The following SLC22A5 variants were observed in gnomAD, a reference collection of about 807,000 sequenced individuals.
The protein encoded by SLC22A5 is organic cation/carnitine transporter 2.
In SLC22A5, 44 loss-of-function variants were observed where a neutral mutation model predicts 56.7. The observed-to-expected ratio is 0.78, with a 90% CI of 0.61 to 1.00. SLC22A5 has a LOEUF of 1.00. Among genes scored for constraint, SLC22A5 ranks in the 50% least tolerant of loss-of-function variants. The pLI, the probability that SLC22A5 is intolerant of heterozygous loss-of-function variation, is 0.00. For synonymous variants in SLC22A5, 278 were observed against 292.1 expected, an observed-to-expected ratio of 0.95 and a Z score of 0.49; for missense variants, 675 against 723.0, an observed-to-expected ratio of 0.93 and a Z score of 0.76.
chr5:132,382,006 A>G (rs1037997218), intron 2 of SLC22A5: 1 of 152,182 alleles, frequency 6.6e-6, no homozygotes, highest in African/African-American at 2.4e-5. Flanking sequence ...AGGGGAAAGT[A>G]GAGTCTACTA....
At chr5:132,385,567 C>T in intron 4 of SLC22A5, 68 bp downstream of exon 4, 1 of 1,264,802 alleles carries the variant, frequency 7.9e-7, no homozygotes. Context: ...CACTAGAGGG[C>T]AGCAACAACC....
At chr5:132,390,539 A>G in intron 6 of SLC22A5, 151 bp from the exon 7 acceptor site, 1 of 720,804 alleles carries the variant, frequency 1.4e-6, no homozygotes, top group Non-Finnish European at 2.5e-6. Context: ...TGATCTATGA[A>G]GTAAGACGCA....
At position 132,394,223 on chromosome 5, in the gene SLC22A5, TA is replaced by T; in HGVS notation, c.1629del (p.Asp544MetfsTer57). 6.2e-7 allele frequency: 1 copy of T among 1,613,858 alleles called. No homozygotes were observed. Among genetic ancestry groups the T allele is most frequent in the Non-Finnish European group, 8.5e-7 (1 of 1,179,692 alleles). Reference sequence around the variant, plus strand: ...AAAACTCCAAGTCACACAAGGATGTTAAAAGATGGTCAAGAAAGGCCCACAA... The same window carrying T: ...AAAACTCCAAGTCACACAAGGATGTTAAAGATGGTCAAGAAAGGCCCACAA... The part of the protein sequence containing the change: ...HRKTPSHTRM[L>X]KDGQERPTIL... On this transcript the variant is annotated frameshift_variant, in exon 10 of 10. Transcript: ENST00000245407. LOFTEE classifies it high-confidence loss of function.
intron 1 of SLC22A5, among the ~76,000 whole-genome samples, chr5:132,372,769 G>A (rs564154629): frequency 3.9e-5 from 6 of 152,268 alleles, no homozygotes; most frequent in African/African-American, 1.4e-4. Flanking sequence ...AGCTACTGCT[G>A]GAAGTTGCTG....
At chr5:132,371,650 G>A (rs964044708) in intron 1 of SLC22A5, among the ~76,000 whole-genome samples, 5 of 152,224 alleles carry the variant, frequency 3.3e-5, no homozygotes, top group African/African-American at 7.2e-5. Flanking sequence ...TGACCAATTC[G>A]CAGGTTAGAG....
chr5:132,388,584 G>A (rs977059397), intron 5 of SLC22A5, among the ~76,000 whole-genome samples: 1 of 152,158 alleles, frequency 6.6e-6, no homozygotes, highest in Admixed American at 6.5e-5. Context: ...GGCTTCGGGA[G>A]GAATACTTAG....
chr5:132,385,572 A>G, intron 4 of SLC22A5, 73 bp downstream of exon 4: 1 of 1,221,564 alleles, frequency 8.2e-7, no homozygotes, highest in Non-Finnish European at 1.2e-6. Context: ...GAGGGCAGCA[A>G]CAACCCATGA....
rs1259331982 is a variant in SLC22A5 at position 132,369,736 on chromosome 5, C to G, written c.-237C>G. The G allele has an allele frequency of 8.4e-6, 4 of 475,804 alleles. No homozygotes were observed. In the Admixed American group the frequency reaches 1.3e-4, roughly 16 times the overall value. The allele number at this position is 475,804 out of a possible 1,614,324, so 29.5% of individuals were successfully genotyped here. A position where few individuals can be genotyped will look rare whatever the true frequency, so the allele number is the denominator to read the frequency against. On this transcript the variant is annotated 5_prime_UTR_variant, in exon 1 of 10. Transcript: ENST00000245407. The stretch of plus-strand genomic sequence containing the variant: ...CCTTCGCCGGCGCCGCTCTGCCTGC[C>G]AGCGGGGCGCGCCTTGCGGCCCAGG...
intron 2 of SLC22A5, chr5:132,383,657 C>A (rs1752424173): frequency 1.0e-5 from 2 of 195,016 alleles, no homozygotes; most frequent in South Asian, 1.9e-4. Flanking sequence ...AATTTTATTA[C>A]CTTTTCATTT....
At chr5:132,375,528 A>G (rs1240756136) in intron 1 of SLC22A5, among the ~76,000 whole-genome samples, 1 of 152,236 alleles carries the variant, frequency 6.6e-6, no homozygotes, top group Non-Finnish European at 1.5e-5. Context: ...ATTTAGTCCC[A>G]GGGAACTATG....
chr5:132,370,728 G>A (rs1018905296), intron 1 of SLC22A5, among the ~76,000 whole-genome samples: 1 of 152,182 alleles, frequency 6.6e-6, no homozygotes, highest in African/African-American at 2.4e-5. Context: ...CAGGACTTGG[G>A]CCAGGGGCTA....
Position 132,394,493 on chromosome 5 carries a change from T to G in SLC22A5, c.*221T>G. The G allele has an allele frequency of 1.7e-6, 1 of 594,820 alleles. No homozygotes were observed. The highest frequency in any genetic ancestry group is 2.8e-5 in the East Asian group (1 of 35,638). The allele number at this position is 594,820 out of a possible 1,614,324, so 36.8% of individuals were successfully genotyped here. A position where few individuals can be genotyped will look rare whatever the true frequency, so the allele number is the denominator to read the frequency against. On this transcript the variant is annotated 3_prime_UTR_variant, in exon 10 of 10. Coordinates refer to ENST00000245407, the MANE Select transcript of SLC22A5 (RefSeq NM_003060.4). ...ACACTGGGGCTACCTACAGACAACT[T>G]CATCTAAGTCCTAACTATTACAATG... is the stretch of plus-strand genomic sequence containing the variant.
In SLC22A5 at chr5:132,394,232, G is replaced by T. The variant is rs1752804215; in HGVS notation, c.1634G>T (p.Gly545Val). The change falls in exon 10 of 10, where the codon GGT becomes GTT. Residue 545 changes from glycine (G) to valine (V), a missense_variant. Transcript: ENST00000245407. Reference sequence around the variant, plus strand: ...AGTCACACAAGGATGTTAAAAGATGGTCAAGAAAGGCCCACAATCCTTAAA... The same window carrying T: ...AGTCACACAAGGATGTTAAAAGATGTTCAAGAAAGGCCCACAATCCTTAAA... Reference protein sequence around the residue: ...TPSHTRMLKDGQERPTILKST... With the variant: ...TPSHTRMLKDVQERPTILKST... The T allele has an allele frequency of 4.3e-6, 7 of 1,613,714 alleles. No individual in the cohort carries two copies. Among genetic ancestry groups the T allele is most frequent in the African/African-American group, 1.3e-5 (1 of 74,942 alleles).
rs560251799 is a variant in SLC22A5 at position 132,390,575 on chromosome 5, A to G, written c.1053-115A>G. 5.0e-6 allele frequency: 4 copies of G among 799,018 alleles called. No individual in the cohort carries two copies. The African/African-American group carries it at 6.7e-5, about 13-fold the overall frequency. 49.5% of individuals were successfully genotyped at this position (799,018 alleles called of 1,614,324 possible). On this transcript the variant is annotated intron_variant, in intron 6 of 9. Coordinates refer to ENST00000245407, the MANE Select transcript of SLC22A5 (RefSeq NM_003060.4). ...GGGTTACAGTTACTGCTGCCTTACT[A>G]GTCTCTGCTTAAAGATGGTTTGGAA...
intron 7 of SLC22A5, 62 bp from the exon 8 acceptor site, chr5:132,392,371 T>C: frequency 6.8e-7 from 1 of 1,462,192 alleles, no homozygotes; most frequent in Non-Finnish European, 9.6e-7. Flanking sequence ...TTTGTTTTGC[T>C]CTCAATAGCT....
chr5:132,390,775 G>A lies in SLC22A5; in HGVS notation c.1138G>A (p.Ala380Thr), dbSNP rs781417085. 2.5e-6 allele frequency: 4 copies of A among 1,614,198 alleles called. No individual in the cohort carries two copies. The Admixed American group carries it at 6.7e-5, about 27-fold the overall frequency. ...GDIFVNCFLSAMVEVPAYVLA... is the reference protein window; with the variant it reads ...GDIFVNCFLSTMVEVPAYVLA... ...CATCTTTGTGAACTGCTTCCTTTCA[G>A]CGATGGTTGAAGTCCCAGCATATGT... is the stretch of plus-strand genomic sequence containing the variant. Residue 380 changes from alanine to threonine, a missense_variant, in exon 7 of 10, where the codon GCG becomes ACG. Physicochemically the swap from Ala to Thr is moderately conservative, Grantham distance 58 (BLOSUM62 0). Transcript: ENST00000245407.
intron 1 of SLC22A5, among the ~76,000 whole-genome samples, chr5:132,373,109 A>G (rs1001401676): frequency 2.6e-5 from 4 of 152,224 alleles, no homozygotes; most frequent in Non-Finnish European, 5.9e-5. Context: ...GGAGGTTCTC[A>G]GGAAAATTTT....
At chr5:132,378,307 T>C (rs1053416218) in intron 1 of SLC22A5, 71 bp from the exon 2 acceptor site, 34 of 1,612,906 alleles carry the variant, frequency 2.1e-5, no homozygotes, top group Non-Finnish European at 2.8e-5. Flanking sequence ...TGACTTCATT[T>C]TCCAGGATGC....
Position 132,369,890 on chromosome 5 carries a change from G to T in SLC22A5, c.-83G>T. 2 of 1,546,850 alleles carry T rather than the reference G, an allele frequency of 1.3e-6. No homozygotes were observed. Among genetic ancestry groups the T allele is most frequent in the Non-Finnish European group, 1.7e-6 (2 of 1,149,502 alleles). On this transcript the variant is annotated 5_prime_UTR_variant, in exon 1 of 10. Transcript: ENST00000245407. ...CGCCTGCTGCCTGGCTTGCCTGGTC[G>T]GCGGCGGGTGCCCCGCGCGCACGCG...
Sources: allele counts gnomAD v4.1 joint callset (sites outside exome capture counted in the v4.1 genomes callset), GRCh38; gene constraint gnomAD v4.1.1; transcripts MANE v1.5; gene names NCBI Gene and HGNC (gene_info 2026-07-23, HGNC 2026-07-21).